The following FUS variants were observed in gnomAD, a reference collection of about 807,000 sequenced individuals.
The protein encoded by FUS is FUS RNA binding protein.
In FUS, 5 loss-of-function variants were observed where a neutral mutation model predicts 82.7. The observed-to-expected ratio is 0.06, with a 90% CI of 0.03 to 0.13. FUS has a LOEUF of 0.13. Among genes scored for constraint, FUS ranks in the 10% least tolerant of loss-of-function variants. The pLI, the probability that FUS is intolerant of heterozygous loss-of-function variation, is 1.00. For synonymous variants in FUS, 281 were observed against 247.4 expected (o/e 1.14, Z -1.27); for missense variants, 512 against 707.8 (o/e 0.72, Z 3.14).
chr16:31,191,190 T>C, intron 14 of FUS, 80 bp downstream of exon 14: 2 of 1,576,016 alleles, frequency 1.3e-6, no homozygotes, highest in Non-Finnish European at 8.6e-7. Flanking sequence ...GAGAAAGTGG[T>C]TTCATTTTGA....
At chr16:31,188,446 CT>C (rs2079304276) in intron 8 of FUS, 89 bp downstream of exon 8, 1 of 1,425,688 alleles carries the variant, frequency 7.0e-7, no homozygotes, top group South Asian at 1.2e-5. Context: ...AAAAAGGAAA[CT>C]GAAAAAAATG....
intron 5 of FUS, 44 bp downstream of exon 5, chr16:31,184,440 T>TC: frequency 4.6e-6 from 4 of 866,716 alleles, no homozygotes; most frequent in Non-Finnish European, 6.4e-6. Context: ...TTCTTTTTCT[T>TC]TTTTTTTTTT....
chr16:31,184,171 C>T (rs1235668071), intron 4 of FUS, 38 bp from the exon 5 acceptor site: 2 of 1,613,994 alleles, frequency 1.2e-6, no homozygotes, highest in South Asian at 1.1e-5. Flanking sequence ...GGGGGCTATG[C>T]TGGGATTGTG....
intron 6 of FUS, chr16:31,186,585 A>C (rs72550849): frequency 1.0e-4 from 62 of 599,196 alleles, no homozygotes; most frequent in Admixed American, 8.5e-4. Context: ...TTTTAAAGCA[A>C]AATCTTTATA....
intron 1 of FUS, among the ~76,000 whole-genome samples, chr16:31,180,798 G>C (rs1469134286): frequency 6.6e-6 from 1 of 152,182 alleles, no homozygotes; most frequent in Non-Finnish European, 1.5e-5. Context: ...TTGCCACGCG[G>C]CTGGGGGCGG....
At chr16:31,192,769 CTG>C (rs1405146191), downstream of FUS, 35 of 480,472 alleles carry the variant, frequency 7.3e-5, no homozygotes, top group Non-Finnish European at 1.4e-4. Context: ...TGTGGTTTCA[CTG>C]TGTTGGCCAG....
chr16:31,180,521 C>A (rs1311546181), intron 1 of FUS, among the ~76,000 whole-genome samples: 2 of 152,206 alleles, frequency 1.3e-5, no homozygotes, highest in Admixed American at 1.3e-4. Context: ...GTGGAAAACG[C>A]CCATTCTCCG....
chr16:31,190,989 G>A lies in FUS; in HGVS notation c.1420G>A (p.Gly474Ser), dbSNP rs761928065. The stretch of plus-strand genomic sequence containing the variant: ...GGGTAACTACGGGGATGATCGTCGT[G>A]GTGGCAGAGGAGGCTATGATCGAGG... Reference protein sequence around the residue: ...MGGNYGDDRRGGRGGYDRGGY... With the variant: ...MGGNYGDDRRSGRGGYDRGGY... Residue 474 changes from glycine to serine, a missense_variant, in exon 14 of 15, where the codon GGT becomes AGT. By Grantham distance (56) the Gly-to-Ser change is moderately conservative (BLOSUM62 0). Around this residue, in one of 6 missense-constraint regions of FUS, gnomAD observed 96 missense variants for 120.7 expected, o/e 0.80. Transcript: ENST00000254108. 1.7e-5 allele frequency: 27 copies of A among 1,613,638 alleles called. No homozygotes were observed. The South Asian group carries it at 2.7e-4, about 16-fold the overall frequency.
In FUS at chr16:31,190,310, A is replaced by G. The variant is rs1222790757; in HGVS notation, c.1204A>G (p.Ser402Gly). 1.9e-6 allele frequency: 3 copies of G among 1,613,768 alleles called. No homozygotes were observed. The highest frequency in any genetic ancestry group is 1.7e-5 in the Admixed American group (1 of 59,990). The change falls in exon 12 of 15, where the codon AGT becomes GGT. Residue 402 changes from serine (S) to glycine (G), a missense_variant. This residue lies in a region of FUS where 63 missense variants were observed against 83.0 expected (regional missense o/e 0.76). Transcript: ENST00000254108. ...MGRGGYGGGG[S>G]GGGGRGGFPS... ...CCGTGGAGGCTATGGAGGTGGTGGCAGTGGTGGTGGTGGCCGAGGAGGATT... is the reference window on the plus strand; with the variant it reads ...CCGTGGAGGCTATGGAGGTGGTGGCGGTGGTGGTGGTGGCCGAGGAGGATT...
intron 5 of FUS, 42 bp downstream of exon 5, chr16:31,184,438 CTT>C (rs370126678): frequency 0.019 from 22,475 of 1,163,306 alleles, no homozygotes; most frequent in Non-Finnish European, 0.022. Context: ...TTTTCTTTTT[CTT>C]TTTTTTTTTT....
intron 1 of FUS, among the ~76,000 whole-genome samples, chr16:31,180,783 C>G (rs1018988253): frequency 6.6e-6 from 1 of 152,236 alleles, no homozygotes; most frequent in Non-Finnish European, 1.5e-5. Context: ...CCGTTCCCGC[C>G]TGGGTTGCCA....
At position 31,183,900 on chromosome 16, in the gene FUS, C is replaced by T. The variant is rs2144107368; in HGVS notation, c.233C>T (p.Thr78Ile). Residue 78 changes from threonine (T) to isoleucine (I), a missense_variant, in exon 4 of 15, where the codon ACT becomes ATT. Thr to Ile is a moderately conservative substitution (Grantham distance 89, BLOSUM62 -1). This residue lies in a region of FUS where 276 missense variants were observed against 303.3 expected (regional missense o/e 0.91). Coordinates refer to ENST00000254108, the MANE Select transcript of FUS (RefSeq NM_004960.4). ...TQSTPQGYGS[T>I]GGYGSSQSSQ... ...TCAACTCCCCAGGGATATGGCTCGA[C>T]TGGCGGCTATGGCAGTAGCCAGAGC... 1 of 1,614,180 alleles carries T rather than the reference C, an allele frequency of 6.2e-7. No homozygotes were observed. The highest frequency in any genetic ancestry group is 8.5e-7 in the Non-Finnish European group (1 of 1,180,006).
chr16:31,194,010 T>A, downstream of FUS: 1 of 533,232 alleles, frequency 1.9e-6, no homozygotes, highest in Non-Finnish European at 3.6e-6. Flanking sequence ...CCCATTTTTG[T>A]GAGTTGGAAT....
intron 3 of FUS, chr16:31,182,924 C>T: frequency 2.2e-6 from 1 of 458,616 alleles, no homozygotes; most frequent in Non-Finnish European, 4.1e-6. Flanking sequence ...CCGTGTTGGA[C>T]AGGCTGGTCT....
intron 1 of FUS, among the ~76,000 whole-genome samples, chr16:31,181,751 C>T (rs181713052): frequency 6.6e-6 from 1 of 152,260 alleles, no homozygotes; most frequent in African/African-American, 2.4e-5. Context: ...ATGGCTTTCT[C>T]ATAGAGTGGA....
At position 31,189,148 on chromosome 16, in the gene FUS, C is replaced by G; in HGVS notation, c.858C>G (p.Thr286=). The G allele has an allele frequency of 6.2e-7, 1 of 1,613,770 alleles. No homozygotes were observed. The highest frequency in any genetic ancestry group is 8.5e-7 in the Non-Finnish European group (1 of 1,179,768). Residue 286 remains threonine, a synonymous_variant, in exon 9 of 15, where the codon ACC becomes ACG. Coordinates refer to ENST00000254108, the MANE Select transcript of FUS (RefSeq NM_004960.4). The part of the protein sequence containing the change: ...DSEQDNSDNN[T]IFVQGLGENV... ...AACAGGATAATTCAGACAACAACAC[C>G]ATCTTTGTGCAAGGCCTGGGTGAGA...
rs2079346483 is a variant in FUS, at chr16:31,190,942, ATCTTGTT to A, written c.1394-16_1394-10del. The A allele has an allele frequency of 1.2e-6, 2 of 1,610,498 alleles. No homozygotes were observed. Among genetic ancestry groups the A allele is most frequent in the Non-Finnish European group, 1.7e-6 (2 of 1,177,488 alleles). On this transcript the variant is annotated splice_polypyrimidine_tract_variant and intron_variant, in intron 13 of 14. Transcript: ENST00000254108. Reference sequence around the variant, plus strand: ...ACATAGGGGAATGGGAATATGATAGATCTTGTTTCTTTTGTCCTAGGGGGTAACTACG... The same window carrying A: ...ACATAGGGGAATGGGAATATGATAGATCTTTTGTCCTAGGGGGTAACTACG...
At chr16:31,184,444 T>A in intron 5 of FUS, 48 bp downstream of exon 5, 1 of 1,520,186 alleles carries the variant, frequency 6.6e-7, no homozygotes, top group Non-Finnish European at 8.9e-7. Flanking sequence ...TTTTCTTTTT[T>A]TTTTTTTTTT....
intron 12 of FUS, 143 bp from the exon 13 acceptor site, chr16:31,190,599 C>A: frequency 8.6e-7 from 1 of 1,162,504 alleles, no homozygotes; most frequent in Admixed American, 1.7e-5. Flanking sequence ...GATTTTTGTT[C>A]CTGACTCTGA....
Sources: gnomAD v4.1 joint callset for allele counts (sites outside exome capture counted in the v4.1 genomes callset) on GRCh38, gnomAD v4.1.1 for gene constraint, gnomAD v4.1.1 regional missense constraint, MANE v1.5 for transcripts, NCBI Gene and HGNC (gene_info 2026-07-23, HGNC 2026-07-21) for gene names.